Variants in MEGF6 observed in about 807,000 individuals in gnomAD.
The protein encoded by MEGF6 is multiple EGF like domains 6.
In MEGF6, 184 loss-of-function variants were observed where a neutral mutation model predicts 207.1. The ratio of observed to expected loss-of-function variants is 0.89; its 90% CI spans 0.79 to 1.00. The LOEUF (loss-of-function observed/expected upper bound fraction) is 1.00, where lower values mean the gene tolerates loss of function less well. Among genes scored for constraint, MEGF6 ranks in the 50% least tolerant of loss-of-function variants. MEGF6 has a pLI of 0.00. For synonymous variants in MEGF6, 1,038 were observed against 910.0 expected, an observed-to-expected ratio of 1.14 and a Z score of -2.53; for missense variants, 2,282 against 2,202.9, an observed-to-expected ratio of 1.04 and a Z score of -0.72.
intron 3 of MEGF6, among the ~76,000 whole-genome samples, chr1:3,586,033 C>T (rs1413382850): frequency 7.4e-6 from 1 of 134,240 alleles, no homozygotes; most frequent in East Asian, 2.3e-4. Flanking sequence ...GGTGTGTGGA[C>T]GCATGTCCTG....
chr1:3,509,916 G>A lies in MEGF6; in HGVS notation c.1311C>T (p.Ser437=). 1 of 1,567,984 alleles carries A rather than the reference G, an allele frequency of 6.4e-7. No homozygotes were observed. Among genetic ancestry groups the A allele is most frequent in the East Asian group, 2.3e-5 (1 of 42,848 alleles). The change falls in exon 11 of 37, where the codon TCC becomes TCT. Residue 437 remains serine (S), a synonymous_variant. Coordinates refer to ENST00000356575, the MANE Select transcript of MEGF6 (RefSeq NM_001409.4). ...CGTGCAGCCGGTAGCCGGCCTCGCA[G>A]GAGCACTGGAAGGAGCCGGCCAGGT... The part of the protein sequence containing the change: ...CTNLAGSFQC[S]CEAGYRLHED...
At chr1:3,518,109 A>T (rs72853535) in intron 5 of MEGF6, among the ~76,000 whole-genome samples, 2,248 of 152,308 alleles carry the variant, frequency 0.015, 44 homozygotes, top group African/African-American at 0.051. Flanking sequence ...TTATGAATGG[A>T]ATGTGTCCCC....
At chr1:3,531,455 C>G in intron 4 of MEGF6, 1 of 1,099,800 alleles carries the variant, frequency 9.1e-7, no homozygotes, top group Middle Eastern at 4.0e-4. Context: ...TCTCAGCTTT[C>G]CCTCCGCCCC....
intron 4 of MEGF6, among the ~76,000 whole-genome samples, chr1:3,530,003 C>T (rs1393997881): frequency 1.3e-5 from 2 of 152,236 alleles, no homozygotes; most frequent in Admixed American, 6.5e-5. Flanking sequence ...TCTCCTCTCT[C>T]CCCCAAAAGC....
In MEGF6 at chr1:3,589,995, A is replaced by G. The variant is rs545957154; in HGVS notation, c.376+5343T>C. ...TTACTGGACCACAGAATCCCTTCCC[A>G]GTGCCCATCACAGCCCATGGAGCTG... is the stretch of plus-strand genomic sequence containing the variant. On this transcript the variant is annotated intron_variant, in intron 3 of 36. Transcript: ENST00000356575. 2.0e-5 allele frequency among the ~76,000 whole-genome samples: 3 copies of G among 152,372 alleles called. No homozygotes were observed. In the South Asian group the frequency reaches 6.2e-4, roughly 32 times the overall value.
chr1:3,538,696 C>CTGTGTG lies in MEGF6; in HGVS notation c.482-14456_482-14451dup, dbSNP rs57325073. On this transcript the variant is annotated intron_variant, in intron 4 of 36. Transcript: ENST00000356575. The stretch of plus-strand genomic sequence containing the variant: ...TGCTGCCGGCCAGCAGAGCATGTGC[C>CTGTGTG]TGTGTGTGTGTGTGTGTGTGTGTGT... Among the ~76,000 whole-genome samples, 913 of 132,086 alleles carry CTGTGTG rather than the reference C, an allele frequency of 6.9e-3. 9 individuals carry two copies. Among genetic ancestry groups the CTGTGTG allele is most frequent in the African/African-American group, 0.012 (412 of 33,320 alleles). The allele number at this position is 132,086 out of a possible 152,430, so 86.7% of individuals were successfully genotyped here.
chr1:3,539,993 C>T (rs908287996), intron 4 of MEGF6, among the ~76,000 whole-genome samples: 14 of 152,230 alleles, frequency 9.2e-5, no homozygotes, highest in Admixed American at 9.2e-4. Context: ...GCCTTCTGGG[C>T]TGCTGCCTAA....
intron 4 of MEGF6, among the ~76,000 whole-genome samples, chr1:3,554,598 A>T (rs1315376000): frequency 6.6e-6 from 1 of 152,166 alleles, no homozygotes. Flanking sequence ...TAGAGGCCGG[A>T]AGTCCAAAGT....
upstream of MEGF6, among the ~76,000 whole-genome samples, chr1:3,612,554 C>T (rs1570263446): frequency 1.3e-5 from 2 of 152,148 alleles, no homozygotes; most frequent in African/African-American, 2.4e-5. Context: ...CGGATGGGGG[C>T]CAGGTGTGGC....
intron 4 of MEGF6, among the ~76,000 whole-genome samples, chr1:3,553,158 C>T (rs1642934691): frequency 6.6e-6 from 1 of 151,988 alleles, no homozygotes. Context: ...CATCACAAGC[C>T]CCGCCCCCCA....
intron 4 of MEGF6, among the ~76,000 whole-genome samples, chr1:3,575,820 G>A (rs1417926338): frequency 6.6e-6 from 1 of 152,186 alleles, no homozygotes; most frequent in Non-Finnish European, 1.5e-5. Context: ...CATACAAGAT[G>A]AGATTTCGGT....
chr1:3,515,689 C>G (rs547712489), intron 5 of MEGF6, among the ~76,000 whole-genome samples, 162 bp from the exon 6 acceptor site: 1 of 152,264 alleles, frequency 6.6e-6, no homozygotes, highest in African/African-American at 2.4e-5. Flanking sequence ...CATCGTCACA[C>G]GCTGCTCCCT....
At chr1:3,503,945 G>A (rs1051141872) in intron 17 of MEGF6, among the ~76,000 whole-genome samples, 4 of 152,270 alleles carry the variant, frequency 2.6e-5, no homozygotes, top group East Asian at 1.9e-4. Context: ...AGAGTGCTCC[G>A]GCCCTTAGTG....
intron 4 of MEGF6, among the ~76,000 whole-genome samples, chr1:3,551,027 A>G (rs1570118937): frequency 6.6e-6 from 1 of 152,206 alleles, no homozygotes; most frequent in East Asian, 1.9e-4. Context: ...CAGGTGAGGA[A>G]GAAGATGTGG....
chr1:3,531,296 C>T (rs1557754841), intron 4 of MEGF6: 1 of 1,256,484 alleles, frequency 8.0e-7, no homozygotes, highest in Non-Finnish European at 1.0e-6. Context: ...CGCGCTGCGC[C>T]CTAAGCCGGC....
At chr1:3,499,107 C>T (rs780946310) in intron 24 of MEGF6, 31 bp downstream of exon 24, 7 of 1,595,906 alleles carry the variant, frequency 4.4e-6, no homozygotes, top group Non-Finnish European at 6.0e-6. Flanking sequence ...AGGCCTGGAC[C>T]CCGGTCCCTG....
chr1:3,559,322 C>T (rs1033307563), intron 4 of MEGF6, among the ~76,000 whole-genome samples: 1 of 152,128 alleles, frequency 6.6e-6, no homozygotes, highest in Non-Finnish European at 1.5e-5. Flanking sequence ...AACAGAAGAG[C>T]TTCCTCACAC....
At position 3,508,557 on chromosome 1, in the gene MEGF6, C is replaced by T. The variant is rs1641205207; in HGVS notation, c.1660+1G>A. The T allele has an allele frequency of 1.1e-5, 17 of 1,612,584 alleles. No individual in the cohort carries two copies. The highest frequency in any genetic ancestry group is 1.4e-5 in the Non-Finnish European group (17 of 1,179,492). On this transcript the variant is annotated splice_donor_variant, in intron 13 of 36. Transcript: ENST00000356575. LOFTEE classifies it high-confidence loss of function. The stretch of plus-strand genomic sequence containing the variant: ...CCCCAGCCCCTGCCCAGCTGCCTCA[C>T]TCTCATTGCAGATGAGCCCAGTCCA...
intron 28 of MEGF6, 96 bp downstream of exon 28, chr1:3,496,892 C>G: frequency 6.6e-7 from 1 of 1,521,218 alleles, no homozygotes; most frequent in Non-Finnish European, 8.8e-7. Context: ...ATCTTCCACC[C>G]CCTCAGATGA....
Sources: gnomAD v4.1 joint callset for allele counts (sites outside exome capture counted in the v4.1 genomes callset) on GRCh38, gnomAD v4.1.1 for gene constraint, MANE v1.5 for transcripts, NCBI Gene and HGNC (gene_info 2026-07-23, HGNC 2026-07-21) for gene names.